Variants in CDC20B observed in about 807,000 individuals in gnomAD.
The protein encoded by CDC20B is cell division cycle 20B, also known as cell division cycle protein 20 homolog B.
A neutral mutation model predicts 64.1 loss-of-function variants in CDC20B; 58 were observed. The ratio of observed to expected loss-of-function variants is 0.90; its 90% CI spans 0.73 to 1.13. CDC20B has a LOEUF of 1.13. Ranked by LOEUF, CDC20B falls within the 50% of genes most tolerant of loss-of-function variation. The probability of loss-of-function intolerance (pLI) is 0.00; values close to 1 mark genes in which losing one functional copy is unlikely to be tolerated. For synonymous variants in CDC20B, 243 were observed against 230.6 expected (o/e 1.05, Z -0.49); for missense variants, 597 against 633.0 (o/e 0.94, Z 0.61).
At chr5:55,145,858 C>T (rs1380556904) in intron 3 of CDC20B, among the ~76,000 whole-genome samples, 2 of 151,708 alleles carry the variant, frequency 1.3e-5, no homozygotes, top group Admixed American at 6.6e-5. Context: ...CTCATTCTCT[C>T]CTGCTTCTGT....
At position 55,133,475 on chromosome 5, in the gene CDC20B, T is replaced by C. The variant is rs868072109; in HGVS notation, c.634A>G (p.Ile212Val). 2 of 1,584,926 alleles carry C rather than the reference T, an allele frequency of 1.3e-6. No individual in the cohort carries two copies. Among genetic ancestry groups the C allele is most frequent in the Middle Eastern group, 1.7e-4 (1 of 5,954 alleles). The change falls in exon 6 of 12, where the codon ATA becomes GTA. Residue 212 changes from isoleucine to valine, a missense_variant. Physicochemically the swap from Ile to Val is conservative, Grantham distance 29. Transcript: ENST00000381375. ...TCTGGTTGGAGTATGGAATCGTTTA[T>C]ATCACCAGAACTTTTAAGATGGAAG... is the stretch of plus-strand genomic sequence containing the variant. ...ESFHLKSSGD[I>V]NDSILQPEVK... is the part of the protein sequence containing the mutation.
chr5:55,172,889 G>C (rs368793245), intron 1 of CDC20B, 49 bp downstream of exon 1: 3 of 1,515,856 alleles, frequency 2.0e-6, no homozygotes, highest in Admixed American at 4.3e-5. Context: ...CGGGGCCTTC[G>C]GCCCCGCATT....
intron 2 of CDC20B, among the ~76,000 whole-genome samples, chr5:55,161,630 C>T (rs1022266780): frequency 1.3e-5 from 2 of 152,192 alleles, no homozygotes; most frequent in African/African-American, 4.8e-5. Context: ...ATGAATAGTG[C>T]TGGGCATTAT....
At chr5:55,133,615 G>A in intron 5 of CDC20B, 87 bp from the exon 6 acceptor site, 1 of 587,622 alleles carries the variant, frequency 1.7e-6, no homozygotes, top group Non-Finnish European at 2.8e-6. Context: ...AACATTAAGT[G>A]AAAAAGCTTA....
At chr5:55,160,427 T>C in intron 2 of CDC20B, 4 of 1,549,128 alleles carry the variant, frequency 2.6e-6, no homozygotes, top group Non-Finnish European at 2.7e-6. Flanking sequence ...TTTATTGTTA[T>C]CATTTTTCCT....
intron 2 of CDC20B, chr5:55,172,175 T>TA (rs1657631969): frequency 5.7e-6 from 1 of 176,746 alleles, no homozygotes; most frequent in Non-Finnish European, 1.2e-5. Flanking sequence ...GGATCAACTT[T>TA]AAATTGCTCA....
At chr5:55,172,747 CACT>C in intron 1 of CDC20B, 97 bp from the exon 2 acceptor site, 2 of 677,078 alleles carry the variant, frequency 3.0e-6, no homozygotes. Context: ...TGTCAGATTA[CACT>C]TTTTTTTTTT....
Position 55,127,325 on chromosome 5 carries a change from C to A in CDC20B, c.921G>T (p.Arg307=). 10 of 1,614,064 alleles carry A rather than the reference C, an allele frequency of 6.2e-6. No homozygotes were observed. Among genetic ancestry groups the A allele is most frequent in the Non-Finnish European group, 5.1e-6 (6 of 1,179,950 alleles). Residue 307 remains arginine, a synonymous_variant, in exon 8 of 12, where the codon CGG becomes CGT. Transcript: ENST00000381375. ...VQLWDVVTKK[R]LRNMLGHLSV... ...ACAAATGACCAAGCATATTTCTCAGCCGCTTTTTAGTTACCACATCCCATA... is the reference window on the plus strand; with the variant it reads ...ACAAATGACCAAGCATATTTCTCAGACGCTTTTTAGTTACCACATCCCATA...
Position 55,119,888 on chromosome 5 carries a change from T to G in CDC20B, c.1372A>C (p.Lys458Gln). 1 of 1,613,644 alleles carries G rather than the reference T, an allele frequency of 6.2e-7. No individual in the cohort carries two copies. Among genetic ancestry groups the G allele is most frequent in the Non-Finnish European group, 8.5e-7 (1 of 1,179,572 alleles). Residue 458 changes from lysine to glutamine, a missense_variant, in exon 11 of 12, where the codon AAG becomes CAG. Transcript: ENST00000381375. ...ICSLIWLPKTKEIATGQGTPK... is the reference protein window; with the variant it reads ...ICSLIWLPKTQEIATGQGTPK... Reference sequence around the variant, plus strand: ...GTACCTTGACCAGTTGCAATCTCCTTTGTCTTAGGTAGCCAGATTAAGGAA... The same window carrying G: ...GTACCTTGACCAGTTGCAATCTCCTGTGTCTTAGGTAGCCAGATTAAGGAA...
chr5:55,138,381 G>C (rs989172882), intron 5 of CDC20B, among the ~76,000 whole-genome samples: 16 of 152,026 alleles, frequency 1.1e-4, no homozygotes, highest in African/African-American at 3.9e-4. Context: ...GGCTGGTCTC[G>C]AACTCCTGGT....
intron 6 of CDC20B, among the ~76,000 whole-genome samples, chr5:55,130,129 A>G (rs892435313): frequency 6.6e-6 from 1 of 152,212 alleles, no homozygotes; most frequent in African/African-American, 2.4e-5. Context: ...CAGAAAAATC[A>G]AAAGTATTTT....
chr5:55,125,033 G>A lies in CDC20B; in HGVS notation c.990-5C>T, dbSNP rs769802207. 1.2e-5 allele frequency: 20 copies of A among 1,602,408 alleles called. No homozygotes were observed. Among genetic ancestry groups the A allele is most frequent in the Middle Eastern group, 1.7e-4 (1 of 6,052 alleles). ...ACACGCCCCAGTCTTGACCCACTGC[G>A]AGTTTACATAACAAAAAAATTAAGC... On this transcript the variant is annotated splice_region_variant and splice_polypyrimidine_tract_variant and intron_variant, in intron 8 of 11. Transcript: ENST00000381375.
At position 55,113,397 on chromosome 5, in the gene CDC20B, T is replaced by G. The variant is rs1580332051; in HGVS notation, c.*821A>C. On this transcript the variant is annotated 3_prime_UTR_variant, in exon 12 of 12. Transcript: ENST00000381375. ...AGTCCTGGGCTGAGGACTCCAGAGG[T>G]TGAGGTCAAAGGTGTTTGGTAATAG... 1 of 151,958 alleles carries G rather than the reference T, an allele frequency of 6.6e-6. No homozygotes were observed. The highest frequency in any genetic ancestry group is 2.1e-4 in the South Asian group (1 of 4,822). The allele number at this position is 151,958 out of a possible 1,614,324, so 9.4% of individuals were successfully genotyped here. A position where few individuals can be genotyped will look rare whatever the true frequency, so the allele number is the denominator to read the frequency against.
At chr5:55,156,129 C>T (rs1743802327) in intron 2 of CDC20B, among the ~76,000 whole-genome samples, 1 of 152,158 alleles carries the variant, frequency 6.6e-6, no homozygotes, top group Non-Finnish European at 1.5e-5. Context: ...TGGCAGCAGG[C>T]AAAAGCTTGT....
At position 55,146,765 on chromosome 5, in the gene CDC20B, A is replaced by G; in HGVS notation, c.218T>C (p.Ile73Thr). The change falls in exon 3 of 12, where the codon ATT (isoleucine) becomes ACT (threonine). Residue 73 changes from isoleucine (I) to threonine (T), a missense_variant. Transcript: ENST00000381375. ...SAEVPVASSP[I>T]TTRWQQSQTR... Reference sequence around the variant, plus strand: ...TTGACTTTGCTGCCACCTTGTGGTAATGGGGCTACTCGCAACAGGAACCTC... The same window carrying G: ...TTGACTTTGCTGCCACCTTGTGGTAGTGGGGCTACTCGCAACAGGAACCTC... 3 of 1,614,136 alleles carry G rather than the reference A, an allele frequency of 1.9e-6. No individual in the cohort carries two copies. Among genetic ancestry groups the G allele is most frequent in the Non-Finnish European group, 2.5e-6 (3 of 1,180,022 alleles).
chr5:55,154,050 G>A (rs113241145), intron 2 of CDC20B, among the ~76,000 whole-genome samples: 41 of 152,274 alleles, frequency 2.7e-4, no homozygotes, highest in South Asian at 1.0e-3. Flanking sequence ...GGAGAACCAC[G>A]TCCAGTCCCA....
At chr5:55,128,281 G>A (rs577126732) in intron 7 of CDC20B, 140 bp downstream of exon 7, 37 of 512,542 alleles carry the variant, frequency 7.2e-5, no homozygotes, top group Admixed American at 2.6e-4. Flanking sequence ...AAAAAAAAGC[G>A]GAATGTCATC....
intron 6 of CDC20B, among the ~76,000 whole-genome samples, chr5:55,133,094 C>T (rs1743071739): frequency 6.6e-6 from 1 of 152,064 alleles, no homozygotes; most frequent in African/African-American, 2.4e-5. Context: ...ACAAGTAGAC[C>T]CAATGCAGTT....
intron 5 of CDC20B, among the ~76,000 whole-genome samples, chr5:55,138,481 AC>A (rs1743243990): frequency 6.6e-6 from 1 of 152,072 alleles, no homozygotes; most frequent in East Asian, 1.9e-4. Flanking sequence ...TACTGAATTT[AC>A]CCTGGTACTC....
Sources: gnomAD v4.1 joint callset for allele counts (sites outside exome capture counted in the v4.1 genomes callset) on GRCh38, gnomAD v4.1.1 for gene constraint, MANE v1.5 for transcripts, NCBI Gene and HGNC (gene_info 2026-07-23, HGNC 2026-07-21) for gene names.